The following IMMP2L variants were observed in gnomAD, a reference collection of about 807,000 sequenced individuals.
IMMP2L encodes the protein mitochondrial inner membrane protease subunit 2.
In IMMP2L, 18 loss-of-function variants were observed where a neutral mutation model predicts 19.3. The observed-to-expected ratio is 0.93, with a 90% CI of 0.64 to 1.38. The LOEUF is 1.38. IMMP2L is among the 40% of genes most tolerant of loss of function. The pLI, the probability that IMMP2L is intolerant of heterozygous loss-of-function variation, is 0.00. For synonymous variants in IMMP2L, 76 were observed against 73.0 expected (o/e 1.04, Z -0.21); for missense variants, 233 against 218.2 (o/e 1.07, Z -0.43).
At chr7:111,505,301 A>G (rs6965673) in intron 2 of IMMP2L, among the ~76,000 whole-genome samples, 59,991 of 146,648 alleles carry the variant, frequency 0.41, 12,112 homozygotes, top group Non-Finnish European at 0.48. Context: ...TTAGAATGGC[A>G]ATCATTAAAA....
chr7:110,962,741 G>A (rs1451522487), intron 4 of IMMP2L: 16 of 1,050,762 alleles, frequency 1.5e-5, no homozygotes, highest in African/African-American at 5.0e-5. Context: ...AGTGAGATTA[G>A]TTAATATGTG....
rs566198867 is a variant in IMMP2L, at chr7:111,309,055, C to A, written c.239+178183G>T. ...CTGATTTGTAGAATAAAGTACAGAA[C>A]CGCACCTGCATATAATCCAATAAAC... On this transcript the variant is annotated intron_variant, in intron 3 of 5. Coordinates refer to ENST00000405709, the MANE Select transcript of IMMP2L (RefSeq NM_032549.4). Among the ~76,000 whole-genome samples the A allele has an allele frequency of 5.9e-5, 9 of 152,174 alleles. No individual in the cohort carries two copies. The South Asian group carries it at 1.9e-3, about 32-fold the overall frequency.
intron 5 of IMMP2L, among the ~76,000 whole-genome samples, chr7:110,669,122 G>A (rs1301643009): frequency 1.3e-5 from 2 of 150,688 alleles, no homozygotes; most frequent in African/African-American, 4.9e-5. Flanking sequence ...GAGAGAGAGA[G>A]AGAAAGAGAG....
intron 3 of IMMP2L, among the ~76,000 whole-genome samples, chr7:111,429,890 A>C (rs38751): frequency 0.56 from 85,032 of 151,566 alleles, 24,727 homozygotes; most frequent in South Asian, 0.71. Context: ...AAAATCAGAG[A>C]TGGAAAAGGG....
chr7:111,516,300 G>T (rs918379776), intron 2 of IMMP2L, among the ~76,000 whole-genome samples: 2 of 150,892 alleles, frequency 1.3e-5, no homozygotes, highest in African/African-American at 4.9e-5. Flanking sequence ...CTTTCAGATG[G>T]TTTAATAAGA....
At chr7:111,267,135 C>T (rs1817918926) in intron 3 of IMMP2L, among the ~76,000 whole-genome samples, 2 of 152,046 alleles carry the variant, frequency 1.3e-5, no homozygotes, top group East Asian at 1.9e-4. Context: ...TTAGTGCTAA[C>T]GTGCTATATT....
At chr7:110,955,739 A>C (rs1673063832) in intron 4 of IMMP2L, among the ~76,000 whole-genome samples, 1 of 151,910 alleles carries the variant, frequency 6.6e-6, no homozygotes, top group African/African-American at 2.4e-5. Context: ...GCTCTAAAAC[A>C]TTTTACTCAT....
At chr7:111,113,064 A>T (rs1169263940) in intron 3 of IMMP2L, among the ~76,000 whole-genome samples, 1 of 152,176 alleles carries the variant, frequency 6.6e-6, no homozygotes, top group African/African-American at 2.4e-5. Flanking sequence ...ACAGAAAGTG[A>T]ACTACCCAGA....
chr7:111,355,283 T>C (rs992794088), intron 3 of IMMP2L, among the ~76,000 whole-genome samples: 1 of 151,836 alleles, frequency 6.6e-6, no homozygotes, highest in East Asian at 1.9e-4. Context: ...AAATATAATG[T>C]ACATAATAAT....
chr7:111,116,811 A>G (rs562982656), intron 3 of IMMP2L, among the ~76,000 whole-genome samples: 23 of 152,308 alleles, frequency 1.5e-4, no homozygotes, highest in African/African-American at 5.5e-4. Flanking sequence ...GCACCTATAC[A>G]GTTGGAGGAA....
At chr7:111,304,670 ATGTGTGTGTGTGTGTG>A (rs147788856) in intron 3 of IMMP2L, among the ~76,000 whole-genome samples, 31 of 126,058 alleles carry the variant, frequency 2.5e-4, no homozygotes, top group Admixed American at 1.1e-3. Flanking sequence ...CACATATATA[ATGTGTGTGTGTGTGTG>A]TGTGTGTGTG....
At chr7:111,498,050 G>C (rs1219461199) in intron 2 of IMMP2L, among the ~76,000 whole-genome samples, 3 of 151,728 alleles carry the variant, frequency 2.0e-5, no homozygotes, top group African/African-American at 7.3e-5. Context: ...TTTTTGAAGG[G>C]GAAAGCATCT....
intron 3 of IMMP2L, among the ~76,000 whole-genome samples, chr7:110,995,183 G>C (rs1198256842): frequency 2.0e-5 from 3 of 152,046 alleles, no homozygotes; most frequent in African/African-American, 7.2e-5. Flanking sequence ...TCCCAATGCA[G>C]ACTGGCATGA....
intron 3 of IMMP2L, among the ~76,000 whole-genome samples, chr7:111,034,085 G>GA (rs1332310871): frequency 3.3e-5 from 5 of 151,996 alleles, no homozygotes; most frequent in African/African-American, 1.2e-4. Flanking sequence ...ATAATATATT[G>GA]AAATGTACAC....
chr7:111,187,056 T>C (rs776463009), intron 3 of IMMP2L, among the ~76,000 whole-genome samples: 16 of 152,116 alleles, frequency 1.1e-4, no homozygotes, highest in Non-Finnish European at 1.9e-4. Context: ...TGAATACACC[T>C]TTACACAGAG....
intron 3 of IMMP2L, among the ~76,000 whole-genome samples, chr7:111,074,743 T>C (rs12671792): frequency 0.16 from 24,678 of 152,136 alleles, 2,402 homozygotes; most frequent in African/African-American, 0.27. Flanking sequence ...CACATTCCAA[T>C]ACCTGTTTTT....
chr7:111,113,777 C>A lies in IMMP2L; in HGVS notation c.240-150212G>T, dbSNP rs191522313. ...GTAAGTCTGTCTCCTGTCATTCAAG[C>A]AGGGGAATTTCCAAATCTAGTTGGA... On this transcript the variant is annotated intron_variant, in intron 3 of 5. Coordinates refer to ENST00000405709, the MANE Select transcript of IMMP2L (RefSeq NM_032549.4). 1.6e-4 allele frequency among the ~76,000 whole-genome samples: 24 copies of A among 152,222 alleles called. No homozygotes were observed. In the South Asian group the frequency reaches 2.3e-3, roughly 14 times the overall value.
At chr7:111,216,475 G>A (rs1811936346) in intron 3 of IMMP2L, among the ~76,000 whole-genome samples, 3 of 152,230 alleles carry the variant, frequency 2.0e-5, no homozygotes, top group Middle Eastern at 3.4e-3. Flanking sequence ...ATACAATGTA[G>A]AATAATAAAG....
At chr7:111,357,763 GCAA>G (rs1199067652) in intron 3 of IMMP2L, among the ~76,000 whole-genome samples, 1 of 151,992 alleles carries the variant, frequency 6.6e-6, no homozygotes, top group Non-Finnish European at 1.5e-5. Context: ...TTAGCCCTAA[GCAA>G]CATGAGTCAT....
Sources: gnomAD v4.1 joint callset for allele counts (sites outside exome capture counted in the v4.1 genomes callset) on GRCh38, gnomAD v4.1.1 for gene constraint, MANE v1.5 for transcripts, NCBI Gene and HGNC (gene_info 2026-07-23, HGNC 2026-07-21) for gene names.